PLEKHA7: variants seen among roughly 807,000 people sequenced by gnomAD.
PLEKHA7 encodes the protein pleckstrin homology domain containing A7.
Under a neutral mutation model 170.0 loss-of-function variants are expected in PLEKHA7, and 104 were observed. The ratio of observed to expected loss-of-function variants is 0.61; its 90% CI spans 0.52 to 0.72. The LOEUF is 0.72. Ranked by LOEUF, PLEKHA7 falls within the 30% of genes least tolerant of loss-of-function variation. The pLI, the probability that PLEKHA7 is intolerant of heterozygous loss-of-function variation, is 0.00. For synonymous variants in PLEKHA7, 648 were observed against 660.8 expected (o/e 0.98, Z 0.30); for missense variants, 1,615 against 1,671.7 (o/e 0.97, Z 0.59).
chr11:16,948,433 A>G (rs983014472), intron 3 of PLEKHA7, among the ~76,000 whole-genome samples: 4 of 152,286 alleles, frequency 2.6e-5, no homozygotes, highest in Middle Eastern at 6.8e-3. Flanking sequence ...TTGTCAGTGA[A>G]GCACACACAC....
intron 3 of PLEKHA7, among the ~76,000 whole-genome samples, chr11:16,997,578 G>A (rs1305630076): frequency 2.0e-5 from 3 of 152,148 alleles, no homozygotes; most frequent in Non-Finnish European, 4.4e-5. Context: ...ATGGGCAGGA[G>A]GCAAGATAGC....
intron 3 of PLEKHA7, among the ~76,000 whole-genome samples, chr11:16,992,455 T>C (rs566170065): frequency 6.6e-6 from 1 of 152,258 alleles, no homozygotes; most frequent in African/African-American, 2.4e-5. Context: ...CTTATGAGGT[T>C]TTAAATGAAT....
chr11:16,806,380 T>C (rs1179586449), intron 13 of PLEKHA7, among the ~76,000 whole-genome samples: 2 of 152,242 alleles, frequency 1.3e-5, no homozygotes, highest in African/African-American at 2.4e-5. Flanking sequence ...TCAAATACAC[T>C]TAAAACATCA....
chr11:16,887,471 C>T (rs1254094475), intron 3 of PLEKHA7, among the ~76,000 whole-genome samples: 1 of 152,194 alleles, frequency 6.6e-6, no homozygotes, highest in Non-Finnish European at 1.5e-5. Flanking sequence ...CTGCCGCCAT[C>T]TCGGCTCACT....
At chr11:16,959,228 T>TCTGCC (rs56241573) in intron 3 of PLEKHA7, among the ~76,000 whole-genome samples, 73,032 of 151,802 alleles carry the variant, frequency 0.48, 18,399 homozygotes, top group East Asian at 0.74. Flanking sequence ...TGCTCCCCTC[T>TCTGCC]CTCCCCCTCA....
At chr11:16,990,963 C>T (rs1436142313) in intron 3 of PLEKHA7, among the ~76,000 whole-genome samples, 1 of 152,170 alleles carries the variant, frequency 6.6e-6, no homozygotes, top group Admixed American at 6.5e-5. Context: ...GGTAAGCCAA[C>T]CCATTTTAAT....
intron 19 of PLEKHA7, among the ~76,000 whole-genome samples, chr11:16,794,033 C>T (rs1848039308): frequency 6.6e-6 from 1 of 152,196 alleles, no homozygotes; most frequent in African/African-American, 2.4e-5. Flanking sequence ...AGCATCCTCA[C>T]AACCCAGCCC....
At chr11:16,957,489 AG>A (rs2136564661) in intron 3 of PLEKHA7, among the ~76,000 whole-genome samples, 1 of 152,286 alleles carries the variant, frequency 6.6e-6, no homozygotes, top group Non-Finnish European at 1.5e-5. Flanking sequence ...CAGAGACAGA[AG>A]GTAGATTGGT....
rs989416254 is a variant in PLEKHA7 at position 16,807,115 on chromosome 11, G to A, written c.2008-3820C>T. 1.8e-5 allele frequency: 17 copies of A among 963,712 alleles called. No individual in the cohort carries two copies. The South Asian group carries it at 2.9e-4, about 16-fold the overall frequency. The allele number at this position is 963,712 out of a possible 1,614,324, so 59.7% of individuals were successfully genotyped here. A position where few individuals can be genotyped will look rare whatever the true frequency, so the allele number is the denominator to read the frequency against. On this transcript the variant is annotated intron_variant, in intron 13 of 26. Transcript: ENST00000531066. ...GAGCCAGAAGCAATGGAATGACCCC[G>A]CTTGGAGACACGGATCAGATCATCT... is the stretch of plus-strand genomic sequence containing the variant.
intron 10 of PLEKHA7, among the ~76,000 whole-genome samples, chr11:16,825,565 T>A (rs1850569591): frequency 6.6e-6 from 1 of 152,204 alleles, no homozygotes; most frequent in African/African-American, 2.4e-5. Context: ...GAAATTATAA[T>A]AAAATACAGA....
chr11:16,892,660 A>C (rs1032277083), intron 3 of PLEKHA7, among the ~76,000 whole-genome samples: 2 of 132,770 alleles, frequency 1.5e-5, no homozygotes, highest in African/African-American at 5.8e-5. Flanking sequence ...TAGTAGAGAC[A>C]GGATTTCACC....
intron 3 of PLEKHA7, among the ~76,000 whole-genome samples, chr11:16,957,507 C>T (rs1565154303): frequency 6.6e-6 from 1 of 152,010 alleles, no homozygotes; most frequent in East Asian, 1.9e-4. Flanking sequence ...TGGTTGGTTT[C>T]CAGAAGCTGA....
intron 13 of PLEKHA7, among the ~76,000 whole-genome samples, chr11:16,805,642 T>C (rs1417042634): frequency 6.6e-6 from 1 of 151,806 alleles, no homozygotes; most frequent in Non-Finnish European, 1.5e-5. Flanking sequence ...ATACAAAAAT[T>C]AGCCAGGCAC....
chr11:16,934,735 C>T (rs1005309233), intron 3 of PLEKHA7, among the ~76,000 whole-genome samples: 1 of 152,140 alleles, frequency 6.6e-6, no homozygotes, highest in Non-Finnish European at 1.5e-5. Flanking sequence ...TAAATGAATA[C>T]TCAGTGTATG....
chr11:16,868,738 G>T (rs1269687811), intron 4 of PLEKHA7, among the ~76,000 whole-genome samples: 1 of 152,162 alleles, frequency 6.6e-6, no homozygotes, highest in Non-Finnish European at 1.5e-5. Flanking sequence ...ATGGGATCTA[G>T]AGGAAAAAAG....
At chr11:16,832,333 CAT>C (rs35273508) in intron 9 of PLEKHA7, among the ~76,000 whole-genome samples, 69,750 of 151,836 alleles carry the variant, frequency 0.46, 17,701 homozygotes, top group East Asian at 0.71. Flanking sequence ...CTACTCTTAT[CAT>C]TGACTGGGGT....
intron 3 of PLEKHA7, among the ~76,000 whole-genome samples, chr11:16,907,129 G>A (rs543726042): frequency 7.0e-4 from 63 of 89,494 alleles, no homozygotes; most frequent in South Asian, 2.3e-3. Context: ...TCAGCCCCCC[G>A]CCCGGCCAGC....
intron 3 of PLEKHA7, among the ~76,000 whole-genome samples, chr11:16,983,977 G>C (rs1863586157): frequency 6.6e-6 from 1 of 152,212 alleles, no homozygotes; most frequent in African/African-American, 2.4e-5. Context: ...CTACTCAGGA[G>C]GCTTAGGTGA....
chr11:16,821,460 A>T (rs962132080), intron 10 of PLEKHA7, among the ~76,000 whole-genome samples: 5 of 152,246 alleles, frequency 3.3e-5, no homozygotes, highest in Admixed American at 6.5e-5. Flanking sequence ...ATCCTAAAAA[A>T]GTTTAATGTG....
Sources: allele counts gnomAD v4.1 joint callset (sites outside exome capture counted in the v4.1 genomes callset), GRCh38; gene constraint gnomAD v4.1.1; transcripts MANE v1.5; gene names NCBI Gene and HGNC (gene_info 2026-07-23, HGNC 2026-07-21).